NAA30: variants seen among roughly 807,000 people sequenced by gnomAD.
The protein encoded by NAA30 is N-alpha-acetyltransferase 30, NatC catalytic subunit.
Under a neutral mutation model 31.4 loss-of-function variants are expected in NAA30, and 5 were observed. The observed-to-expected ratio is 0.16, with a 90% CI of 0.08 to 0.33. NAA30 has a LOEUF of 0.33. Ranked by LOEUF, NAA30 falls within the 10% of genes least tolerant of loss-of-function variation. The pLI is 1.00. For synonymous variants in NAA30, 222 were observed against 207.1 expected, an observed-to-expected ratio of 1.07 and a Z score of -0.62; for missense variants, 428 against 490.8, an observed-to-expected ratio of 0.87 and a Z score of 1.21.
At chr14:57,405,210 T>A (rs1455788915) in intron 4 of NAA30, among the ~76,000 whole-genome samples, 2 of 152,054 alleles carry the variant, frequency 1.3e-5, no homozygotes, top group Non-Finnish European at 2.9e-5. Flanking sequence ...ATAAAATAGA[T>A]CACATTAGCA....
At position 57,414,366 on chromosome 14, in the gene NAA30, C is replaced by G. The variant is rs2066538258; in HGVS notation, c.*4850C>G. On this transcript the variant is annotated 3_prime_UTR_variant, in exon 5 of 5. Transcript: ENST00000556492. The stretch of plus-strand genomic sequence containing the variant: ...ACCAACCACTGCCCTTGTTATGTAG[C>G]CTTTCTGAGAAAAGCAGCCCTTTCA... 6.6e-6 allele frequency: 1 copy of G among 152,208 alleles called. No homozygotes were observed. Among genetic ancestry groups the G allele is most frequent in the Non-Finnish European group, 1.5e-5 (1 of 68,044 alleles). The allele number at this position is 152,208 out of a possible 1,614,324, so 9.4% of individuals were successfully genotyped here.
chr14:57,398,694 A>G (rs754048739), intron 3 of NAA30, among the ~76,000 whole-genome samples: 16 of 151,754 alleles, frequency 1.1e-4, no homozygotes, highest in Non-Finnish European at 2.1e-4. Flanking sequence ...GCGCAGTGGC[A>G]TGATCTCGAC....
rs2066519809 is a variant in NAA30, at chr14:57,410,915, A to G, written c.*1399A>G. ...TTCATTCTCTGTGAAAACTGTAGGA[A>G]TCTGTTGTTGTTTTCATTTGAATAT... On this transcript the variant is annotated 3_prime_UTR_variant, in exon 5 of 5. Transcript: ENST00000556492. 6.6e-6 allele frequency: 1 copy of G among 152,510 alleles called. No homozygotes were observed. The highest frequency in any genetic ancestry group is 1.5e-5 in the Non-Finnish European group (1 of 67,960). 9.4% of individuals were successfully genotyped at this position (152,510 alleles called of 1,614,324 possible).
At position 57,391,413 on chromosome 14, in the gene NAA30, C is replaced by G. The variant is rs1309214345; in HGVS notation, c.456C>G (p.Ser152Arg). The change falls in exon 2 of 5, where the codon AGC (serine) becomes AGG (arginine). Residue 152 changes from serine to arginine, a missense_variant. This residue lies in a region of NAA30 where 349 missense variants were observed against 310.4 expected (regional missense o/e 1.12). Transcript: ENST00000556492. The surrounding 1 kb of genome is among the most constrained non-coding windows in gnomAD (Gnocchi z 4.1). ...LSSNARTAVP[S>R]PVEAAAASDP... ...GTAATGCAAGAACTGCGGTCCCCAG[C>G]CCGGTGGAGGCAGCGGCGGCGAGCG... 2 of 1,607,456 alleles carry G rather than the reference C, an allele frequency of 1.2e-6. No homozygotes were observed. The highest frequency in any genetic ancestry group is 1.7e-6 in the Non-Finnish European group (2 of 1,177,056).
At chr14:57,399,799 CT>C in intron 3 of NAA30, 28 bp from the exon 4 acceptor site, 1 of 1,162,568 alleles carries the variant, frequency 8.6e-7, no homozygotes, top group Non-Finnish European at 1.3e-6. Context: ...TACATTTTTC[CT>C]TCATTAATAC....
In NAA30 at chr14:57,391,814, G is replaced by GGA; in HGVS notation, c.771+87_771+88dup. ...GAGTGAGGGCCCAGAATGTGGCAGT[G>GGA]GATATCTCCTGCTGCGTATCATAGT... is the stretch of plus-strand genomic sequence containing the variant. On this transcript the variant is annotated intron_variant, in intron 2 of 4. Transcript: ENST00000556492. This position sits in a 1 kb window ranked among gnomAD's most constrained non-coding sequence, Gnocchi z 4.1. 2 of 986,098 alleles carry GGA rather than the reference G, an allele frequency of 2.0e-6. No individual in the cohort carries two copies. The highest frequency in any genetic ancestry group is 3.1e-6 in the Non-Finnish European group (2 of 655,468). The allele number at this position is 986,098 out of a possible 1,614,324, so 61.1% of individuals were successfully genotyped here. A position where few individuals can be genotyped will look rare whatever the true frequency, so the allele number is the denominator to read the frequency against.
At position 57,391,647 on chromosome 14, in the gene NAA30, G is replaced by T; in HGVS notation, c.690G>T (p.Leu230=). The change falls in exon 2 of 5, where the codon CTG becomes CTT. Residue 230 remains leucine (L), a synonymous_variant. Transcript: ENST00000556492. This position sits in a 1 kb window ranked among gnomAD's most constrained non-coding sequence, Gnocchi z 4.1. ...TACAAATGCCCGATATCATGAGACT[G>T]ATCACCAAAGATCTGTCCGAACCCT... ...SELQMPDIMR[L]ITKDLSEPYS... is the part of the protein sequence containing the mutation. 2 of 1,614,194 alleles carry T rather than the reference G, an allele frequency of 1.2e-6. No homozygotes were observed. The highest frequency in any genetic ancestry group is 1.7e-6 in the Non-Finnish European group (2 of 1,180,028).
intron 4 of NAA30, among the ~76,000 whole-genome samples, chr14:57,403,552 T>A (rs949723191): frequency 5.9e-5 from 9 of 152,212 alleles, no homozygotes; most frequent in South Asian, 2.1e-4. Context: ...AGCTAAAAAA[T>A]TTTTTCATTT....
rs1308371391 is a variant in NAA30, at chr14:57,410,392, C to G, written c.*876C>G. ...TTGCTGGGGTTTAGATGCACTTTTTCTTTTGAGAGTAAGGGAAGTTTTGGA... is the reference window on the plus strand; with the variant it reads ...TTGCTGGGGTTTAGATGCACTTTTTGTTTTGAGAGTAAGGGAAGTTTTGGA... On this transcript the variant is annotated 3_prime_UTR_variant, in exon 5 of 5. Transcript: ENST00000556492. 6.6e-6 allele frequency: 1 copy of G among 152,382 alleles called. No homozygotes were observed. Among genetic ancestry groups the G allele is most frequent in the Non-Finnish European group, 1.5e-5 (1 of 67,962 alleles). The allele number at this position is 152,382 out of a possible 1,614,324, so 9.4% of individuals were successfully genotyped here. A position where few individuals can be genotyped will look rare whatever the true frequency, so the allele number is the denominator to read the frequency against.
chr14:57,391,155 C>T lies in NAA30; in HGVS notation c.198C>T (p.Ala66=). The change falls in exon 2 of 5, where the codon GCC becomes GCT. Residue 66 remains alanine (A), a synonymous_variant. Coordinates refer to ENST00000556492, the MANE Select transcript of NAA30 (RefSeq NM_001011713.3). This position sits in a 1 kb window ranked among gnomAD's most constrained non-coding sequence, Gnocchi z 4.1. The part of the protein sequence containing the change: ...PAGGESATVA[A]KGHPCLRCPQ... ...GCGGAGAGTCGGCGACGGTGGCGGC[C>T]AAGGGGCATCCGTGCCTCCGCTGCC... 4 of 1,603,710 alleles carry T rather than the reference C, an allele frequency of 2.5e-6. No individual in the cohort carries two copies. The highest frequency in any genetic ancestry group is 1.7e-5 in the Admixed American group (1 of 59,072).
chr14:57,394,608 A>T (rs2066443156), intron 2 of NAA30, among the ~76,000 whole-genome samples: 1 of 152,140 alleles, frequency 6.6e-6, no homozygotes, highest in South Asian at 2.1e-4. Context: ...GTAATGGTGT[A>T]TGATATATTG....
intron 2 of NAA30, among the ~76,000 whole-genome samples, chr14:57,392,104 T>C (rs1375555335): frequency 2.0e-5 from 3 of 152,220 alleles, no homozygotes; most frequent in African/African-American, 7.2e-5. Flanking sequence ...ACAGGCCTTA[T>C]TAGTCTCTCG....
At chr14:57,401,833 T>C (rs1428231234) in intron 4 of NAA30, among the ~76,000 whole-genome samples, 2 of 152,236 alleles carry the variant, frequency 1.3e-5, no homozygotes, top group African/African-American at 2.4e-5. Context: ...TTTATTGTTT[T>C]GGTCTCAAGG....
intron 4 of NAA30, among the ~76,000 whole-genome samples, chr14:57,404,654 T>C (rs1046449985): frequency 2.0e-5 from 3 of 152,116 alleles, no homozygotes; most frequent in East Asian, 1.9e-4. Context: ...GAGTACCACG[T>C]TGGATTTACA....
intron 4 of NAA30, among the ~76,000 whole-genome samples, chr14:57,400,509 G>A (rs1031752011): frequency 2.0e-5 from 3 of 152,220 alleles, no homozygotes; most frequent in Non-Finnish European, 2.9e-5. Flanking sequence ...AAGGGAACAA[G>A]TATAAACTAG....
At position 57,412,548 on chromosome 14, in the gene NAA30, A is replaced by G. The variant is rs2066528527; in HGVS notation, c.*3032A>G. On this transcript the variant is annotated 3_prime_UTR_variant, in exon 5 of 5. Transcript: ENST00000556492. ...TTCAGGTTTGTAAAAACATAACCAT[A>G]AATTATATTGACGTCAGATATGAGT... 6.6e-6 allele frequency: 1 copy of G among 152,212 alleles called. No homozygotes were observed. The highest frequency in any genetic ancestry group is 2.4e-5 in the African/African-American group (1 of 41,470). The allele number at this position is 152,212 out of a possible 1,614,324, so 9.4% of individuals were successfully genotyped here.
intron 4 of NAA30, among the ~76,000 whole-genome samples, chr14:57,402,061 G>A (rs1381890903): frequency 6.6e-6 from 1 of 152,086 alleles, no homozygotes; most frequent in Non-Finnish European, 1.5e-5. Context: ...CTTTGTCTTG[G>A]TATAAAAATT....
chr14:57,407,196 GT>G (rs1011494172), intron 4 of NAA30, among the ~76,000 whole-genome samples: 2 of 151,924 alleles, frequency 1.3e-5, no homozygotes, highest in Non-Finnish European at 2.9e-5. Context: ...GCCAAATTGT[GT>G]TTTTTTTAAG....
intron 4 of NAA30, 72 bp downstream of exon 4, chr14:57,399,955 T>C (rs2139761800): frequency 1.3e-6 from 1 of 768,576 alleles, no homozygotes; most frequent in African/African-American, 1.8e-5. Context: ...ATAAATATTT[T>C]ATAATTTATT....
Sources: allele counts gnomAD v4.1 joint callset (sites outside exome capture counted in the v4.1 genomes callset), GRCh38; gene constraint gnomAD v4.1.1; regional missense constraint gnomAD v4.1.1; non-coding constraint Gnocchi (gnomAD v3.1); transcripts MANE v1.5; gene names NCBI Gene and HGNC (gene_info 2026-07-23, HGNC 2026-07-21).